SRSF11: variants seen among roughly 807,000 people sequenced by gnomAD.
SRSF11 encodes the protein serine and arginine rich splicing factor 11.
A neutral mutation model predicts 56.0 loss-of-function variants in SRSF11; 9 were observed. The observed-to-expected ratio is 0.16, with a 90% confidence interval of 0.10 to 0.28. SRSF11 has a LOEUF of 0.28. Among genes scored for constraint, SRSF11 ranks in the 10% least tolerant of loss-of-function variants. SRSF11 has a pLI of 1.00. For missense variants in SRSF11, 421 were observed against 600.7 expected (o/e 0.70, Z 3.13); for synonymous variants, 222 against 215.3 (o/e 1.03, Z -0.27).
upstream of SRSF11, among the ~76,000 whole-genome samples, chr1:70,217,807 A>G (rs1047705180): frequency 6.6e-5 from 10 of 152,220 alleles, no homozygotes; most frequent in South Asian, 2.1e-4. Flanking sequence ...TCTTATTCCT[A>G]TGTAAAACAG....
At chr1:70,207,062 T>C (rs908494489) in intron 1 of SRSF11, among the ~76,000 whole-genome samples, 2 of 152,016 alleles carry the variant, frequency 1.3e-5, no homozygotes, top group African/African-American at 4.8e-5. Flanking sequence ...GGCTAATTTT[T>C]ATATTTTTTA....
intron 7 of SRSF11, among the ~76,000 whole-genome samples, chr1:70,241,595 A>G (rs139452520): frequency 9.8e-4 from 149 of 152,296 alleles, no homozygotes; most frequent in Admixed American, 1.9e-3. Context: ...TTATCTTTTT[A>G]CACGTGTCAT....
rs1672314400 is a variant in SRSF11, at chr1:70,228,628, A to C, written c.337+73A>C. ...CTACCTCAGTAGATGTAGAGTGAGC[A>C]TTAGTAGCATGTTAAATCTAAGCTA... On this transcript the variant is annotated intron_variant, in intron 2 of 11. Transcript: ENST00000370949. 16 of 1,473,382 alleles carry C rather than the reference A, an allele frequency of 1.1e-5. 1 individual carries two copies. The South Asian group carries it at 2.2e-4, about 20-fold the overall frequency. The allele number at this position is 1,473,382 out of a possible 1,614,324, so 91.3% of individuals were successfully genotyped here.
chr1:70,248,586 G>A (rs1677268527), intron 9 of SRSF11: 1 of 152,018 alleles, frequency 6.6e-6, no homozygotes, highest in Admixed American at 6.6e-5. Flanking sequence ...TGCTGAATCA[G>A]GCCTGAGGGA....
rs149866127 is a variant in SRSF11, at chr1:70,237,082, G to T, written c.591-343G>T. On this transcript the variant is annotated intron_variant, in intron 5 of 11. Transcript: ENST00000370949. ...GATTACAGGCGTGAGCCACCACACC[G>T]GCCCAAAAATTTTTAATTTATATGA... 8.8e-3 allele frequency among the ~76,000 whole-genome samples: 1,335 copies of T among 151,758 alleles called. 22 individuals are homozygous for T. Among genetic ancestry groups the T allele is most frequent in the African/African-American group, 0.03 (1,261 of 41,404 alleles).
chr1:70,210,441 G>T (rs1039255351), intron 1 of SRSF11, among the ~76,000 whole-genome samples: 3 of 152,104 alleles, frequency 2.0e-5, no homozygotes, highest in African/African-American at 7.2e-5. Flanking sequence ...GGCCAGGTAC[G>T]GTGGCTCATG....
intron 1 of SRSF11, among the ~76,000 whole-genome samples, chr1:70,226,046 C>T (rs1671707503): frequency 6.6e-6 from 1 of 151,960 alleles, no homozygotes; most frequent in Non-Finnish European, 1.5e-5. Context: ...GAAAAATTAG[C>T]CGGACGTGGT....
At chr1:70,239,100 T>C (rs771687624) in intron 6 of SRSF11, among the ~76,000 whole-genome samples, 43 of 152,266 alleles carry the variant, frequency 2.8e-4, no homozygotes, top group Non-Finnish European at 5.1e-4. Flanking sequence ...TTTGTTTGCT[T>C]GTTTTTGTTT....
At chr1:70,238,191 G>T (rs1674534016) in intron 6 of SRSF11, among the ~76,000 whole-genome samples, 1 of 152,102 alleles carries the variant, frequency 6.6e-6, no homozygotes, top group Non-Finnish European at 1.5e-5. Context: ...TGCTTTATAT[G>T]TATTATGTTA....
chr1:70,210,227 C>G (rs1313521244), intron 1 of SRSF11, among the ~76,000 whole-genome samples: 1 of 151,936 alleles, frequency 6.6e-6, no homozygotes, highest in Non-Finnish European at 1.5e-5. Flanking sequence ...TCACTGCAGC[C>G]TCAAACTCAT....
chr1:70,224,775 T>G (rs957269699), intron 1 of SRSF11, among the ~76,000 whole-genome samples: 13 of 152,234 alleles, frequency 8.5e-5, no homozygotes, highest in African/African-American at 3.1e-4. Context: ...GCATGATGGC[T>G]TTGCAGGTAT....
chr1:70,239,033 T>G (rs1319834180), intron 6 of SRSF11, among the ~76,000 whole-genome samples: 1 of 152,184 alleles, frequency 6.6e-6, no homozygotes, highest in Non-Finnish European at 1.5e-5. Flanking sequence ...AAAACTAAGG[T>G]GAAAAATTAT....
At chr1:70,227,878 G>A (rs1210068045) in intron 1 of SRSF11, among the ~76,000 whole-genome samples, 1 of 152,174 alleles carries the variant, frequency 6.6e-6, no homozygotes, top group Non-Finnish European at 1.5e-5. Flanking sequence ...AGAAATCCTT[G>A]ATTATTTACA....
intron 3 of SRSF11, among the ~76,000 whole-genome samples, chr1:70,233,387 A>C (rs528058882): frequency 6.6e-6 from 1 of 152,118 alleles, no homozygotes; most frequent in South Asian, 2.1e-4. Flanking sequence ...GACTACAGGC[A>C]TGCCACCATG....
chr1:70,250,133 C>T, intron 10 of SRSF11, 86 bp downstream of exon 10: 1 of 1,339,900 alleles, frequency 7.5e-7, no homozygotes, highest in Non-Finnish European at 1.0e-6. Context: ...TTCTTTTCAG[C>T]AGTTACAGTT....
chr1:70,209,227 A>T (rs540992762), intron 1 of SRSF11, among the ~76,000 whole-genome samples: 1 of 152,332 alleles, frequency 6.6e-6, no homozygotes, highest in East Asian at 1.9e-4. Context: ...TAAGACATAG[A>T]TGAAAGGTAC....
At chr1:70,226,001 A>C (rs1671692747) in intron 1 of SRSF11, among the ~76,000 whole-genome samples, 1 of 151,794 alleles carries the variant, frequency 6.6e-6, no homozygotes, top group Non-Finnish European at 1.5e-5. Flanking sequence ...GACCAGCCTG[A>C]CTAACATGGT....
At chr1:70,249,784 T>G (rs966805313) in intron 9 of SRSF11, 168 bp from the exon 10 acceptor site, 5 of 628,434 alleles carry the variant, frequency 8.0e-6, no homozygotes, top group Non-Finnish European at 1.4e-5. Context: ...GGTCTGGAAC[T>G]CCTGGGCTCA....
chr1:70,246,974 T>A (rs1676906954), intron 9 of SRSF11, 67 bp downstream of exon 9: 5 of 1,333,280 alleles, frequency 3.8e-6, no homozygotes, highest in Non-Finnish European at 5.2e-6. Context: ...ATCAGTACGC[T>A]GTCAGTATGA....
Sources: gnomAD v4.1 joint callset for allele counts (sites outside exome capture counted in the v4.1 genomes callset) on GRCh38, gnomAD v4.1.1 for gene constraint, MANE v1.5 for transcripts, NCBI Gene and HGNC (gene_info 2026-07-23, HGNC 2026-07-21) for gene names.